Variants in SHROOM3 observed in about 807,000 individuals in gnomAD.
SHROOM3 encodes protein Shroom3.
Under a neutral mutation model 138.6 loss-of-function variants are expected in SHROOM3, and 47 were observed. That is an observed-to-expected ratio of 0.34 (90% confidence interval 0.27 to 0.43). The LOEUF (loss-of-function observed/expected upper bound fraction) is 0.43. Among genes scored for constraint, SHROOM3 ranks in the 20% least tolerant of loss-of-function variants. The pLI, the probability that SHROOM3 is intolerant of heterozygous loss-of-function variation, is 1.00. For missense variants in SHROOM3, 2,491 were observed against 2,596.5 expected, an observed-to-expected ratio of 0.96 and a Z score of 0.88; for synonymous variants, 1,062 against 1,063.3, an observed-to-expected ratio of 1.00 and a Z score of 0.02.
chr4:76,571,776 A>G (rs1733837318), intron 2 of SHROOM3, among the ~76,000 whole-genome samples: 1 of 152,352 alleles, frequency 6.6e-6, no homozygotes, highest in South Asian at 2.1e-4. Flanking sequence ...GAGACTTCCA[A>G]TAAGATTTTA....
intron 2 of SHROOM3, among the ~76,000 whole-genome samples, chr4:76,689,177 C>T (rs1719422877): frequency 6.6e-6 from 1 of 152,154 alleles, no homozygotes; most frequent in Admixed American, 6.5e-5. Flanking sequence ...TGCTTCGGTC[C>T]GGTCCCCTTA....
At chr4:76,542,261 G>A (rs1391396509) in intron 1 of SHROOM3, among the ~76,000 whole-genome samples, 1 of 152,114 alleles carries the variant, frequency 6.6e-6, no homozygotes, top group Admixed American at 6.5e-5. Flanking sequence ...CTGTTTCTCT[G>A]GAAAATAAAC....
chr4:76,778,705 G>C (rs577958876), intron 10 of SHROOM3, 104 bp from the exon 11 acceptor site: 2 of 1,499,560 alleles, frequency 1.3e-6, no homozygotes, highest in East Asian at 2.3e-5. Flanking sequence ...AATAGGAATA[G>C]AGCTTAGATA....
intron 1 of SHROOM3, among the ~76,000 whole-genome samples, chr4:76,549,952 T>G (rs528627989): frequency 6.6e-6 from 1 of 152,286 alleles, no homozygotes; most frequent in Admixed American, 6.5e-5. Flanking sequence ...GTGGATCCTC[T>G]GGAGGAATCC....
At chr4:76,756,376 A>G (rs1721810148) in intron 7 of SHROOM3, 73 bp from the exon 8 acceptor site, 3 of 1,518,818 alleles carry the variant, frequency 2.0e-6, no homozygotes, top group Non-Finnish European at 2.7e-6. Context: ...CCACCCTCTT[A>G]TCATCACCCT....
intron 2 of SHROOM3, chr4:76,688,972 T>TTG (rs1719415464): frequency 2.0e-6 from 2 of 977,884 alleles, no homozygotes; most frequent in Non-Finnish European, 2.4e-6. Flanking sequence ...TTTTTTTTTT[T>TTG]TTTTTTAGCT....
At chr4:76,721,310 C>G (rs80078333) in intron 3 of SHROOM3, among the ~76,000 whole-genome samples, 1 of 112,860 alleles carries the variant, frequency 8.9e-6, no homozygotes. Flanking sequence ...GACTCCGTCT[C>G]AAAAAAAAAA....
At chr4:76,539,993 G>C (rs1020968740) in intron 1 of SHROOM3, among the ~76,000 whole-genome samples, 3 of 152,186 alleles carry the variant, frequency 2.0e-5, no homozygotes, top group Non-Finnish European at 4.4e-5. Context: ...TATTACAGGG[G>C]TGCGGCACCA....
intron 1 of SHROOM3, among the ~76,000 whole-genome samples, chr4:76,444,926 G>A (rs1038664233): frequency 2.0e-5 from 3 of 150,226 alleles, no homozygotes; most frequent in African/African-American, 7.4e-5. Context: ...GCAAAACCCT[G>A]TCTCTACAAA....
rs889241286 is a variant in SHROOM3, at chr4:76,586,856, C to T, written c.323+31093C>T. On this transcript the variant is annotated intron_variant, in intron 2 of 10. Transcript: ENST00000296043. ...TTGGCTCCCTCCAATCATGCAACCT[C>T]AGGATTTACAGCCTAATTTTAATTA... The T allele has an allele frequency of 5.3e-5, 8 of 152,328 alleles. No homozygotes were observed. In the South Asian group the frequency reaches 1.7e-3, roughly 32 times the overall value. 9.4% of individuals were successfully genotyped at this position (152,328 alleles called of 1,614,324 possible). A position where few individuals can be genotyped will look rare whatever the true frequency, so the allele number is the denominator to read the frequency against.
intron 2 of SHROOM3, among the ~76,000 whole-genome samples, chr4:76,626,221 A>C (rs1465663235): frequency 2.0e-5 from 3 of 151,746 alleles, no homozygotes; most frequent in Non-Finnish European, 4.4e-5. Flanking sequence ...AAGGAAAATC[A>C]CTCTCTCCAA....
chr4:76,634,431 T>A (rs1021776650), intron 2 of SHROOM3, among the ~76,000 whole-genome samples: 1 of 152,198 alleles, frequency 6.6e-6, no homozygotes, highest in African/African-American at 2.4e-5. Flanking sequence ...CATTTTATTA[T>A]GGTGATGCAG....
At chr4:76,549,606 A>T (rs1367028724) in intron 1 of SHROOM3, among the ~76,000 whole-genome samples, 1 of 152,022 alleles carries the variant, frequency 6.6e-6, no homozygotes, top group African/African-American at 2.4e-5. Flanking sequence ...TGACCTTGTG[A>T]TCTGCCTGCC....
intron 2 of SHROOM3, among the ~76,000 whole-genome samples, chr4:76,564,977 T>C (rs1733671028): frequency 6.6e-6 from 1 of 151,482 alleles, no homozygotes; most frequent in Non-Finnish European, 1.5e-5. Flanking sequence ...CTGGCCAACA[T>C]AGTGAAACCC....
intron 1 of SHROOM3, among the ~76,000 whole-genome samples, chr4:76,444,277 G>A (rs1480378538): frequency 1.3e-5 from 2 of 150,580 alleles, no homozygotes; most frequent in Non-Finnish European, 3.0e-5. Context: ...TAATTTCTAT[G>A]TTATATATAT....
chr4:76,779,072 C>G lies in SHROOM3; in HGVS notation c.5886C>G (p.Pro1962=), dbSNP rs762575064. Residue 1962 remains proline, a synonymous_variant, in exon 11 of 11, where the codon CCC becomes CCG. Coordinates refer to ENST00000296043, the MANE Select transcript of SHROOM3 (RefSeq NM_020859.4). ...AGAGCCTGCCCTCAGATTTCATTCCCAAGGCTGGGGCCCTGGCTCTGCCCC... is the reference window on the plus strand; with the variant it reads ...AGAGCCTGCCCTCAGATTTCATTCCGAAGGCTGGGGCCCTGGCTCTGCCCC... ...LLESLPSDFI[P]KAGALALPPN... 1 of 1,614,208 alleles carries G rather than the reference C, an allele frequency of 6.2e-7. No individual in the cohort carries two copies. The highest frequency in any genetic ancestry group is 8.5e-7 in the Non-Finnish European group (1 of 1,180,038).
At chr4:76,515,472 C>T (rs1732425918) in intron 1 of SHROOM3, among the ~76,000 whole-genome samples, 1 of 151,832 alleles carries the variant, frequency 6.6e-6, no homozygotes, top group Non-Finnish European at 1.5e-5. Context: ...TAGAAATTTC[C>T]ATTGTTCTCT....
chr4:76,435,382 C>CA lies in SHROOM3; in HGVS notation c.-667dup, dbSNP rs1049856581. 6.7e-6 allele frequency: 1 copy of CA among 148,416 alleles called. No individual in the cohort carries two copies. Among genetic ancestry groups the CA allele is most frequent in the Non-Finnish European group, 1.5e-5 (1 of 67,614 alleles). 9.2% of individuals were successfully genotyped at this position (148,416 alleles called of 1,614,324 possible). A position where few individuals can be genotyped will look rare whatever the true frequency, so the allele number is the denominator to read the frequency against. On this transcript the variant is annotated 5_prime_UTR_variant, in exon 1 of 11. Transcript: ENST00000296043. ...GCTTTTTCATTTTCTCTACATCCTGCAAAAGTTTTTTTCTCTCCTAAGAAA... is the reference window on the plus strand; with the variant it reads ...GCTTTTTCATTTTCTCTACATCCTGCAAAAAGTTTTTTTCTCTCCTAAGAAA...
chr4:76,767,558 T>A (rs1284935087), intron 9 of SHROOM3, among the ~76,000 whole-genome samples: 2 of 152,030 alleles, frequency 1.3e-5, no homozygotes, highest in African/African-American at 4.8e-5. Flanking sequence ...GTGCCAGTAA[T>A]CCCAGCTACT....
Sources: allele counts gnomAD v4.1 joint callset (sites outside exome capture counted in the v4.1 genomes callset), GRCh38; gene constraint gnomAD v4.1.1; transcripts MANE v1.5; gene names NCBI Gene and HGNC (gene_info 2026-07-23, HGNC 2026-07-21).